Variants in PCCA observed in about 807,000 individuals in gnomAD.
The protein encoded by PCCA is propionyl-CoA carboxylase subunit alpha.
Under a neutral mutation model 101.3 loss-of-function variants are expected in PCCA, and 74 were observed. That is an observed-to-expected ratio of 0.73 (90% CI 0.61 to 0.89). PCCA has a LOEUF of 0.89. Ranked by LOEUF, PCCA falls within the 40% of genes least tolerant of loss-of-function variation. The pLI, the probability that PCCA is intolerant of heterozygous loss-of-function variation, is 0.00. For synonymous variants in PCCA, 294 were observed against 313.6 expected (o/e 0.94, Z 0.66); for missense variants, 891 against 907.0 (o/e 0.98, Z 0.23).
At chr13:100,477,969 C>A (rs118036082) in intron 21 of PCCA, among the ~76,000 whole-genome samples, 5,540 of 152,310 alleles carry the variant, frequency 0.036, 163 homozygotes, top group South Asian at 0.11. Context: ...CCCAGCCCTG[C>A]GCTGACGGCC....
intron 12 of PCCA, among the ~76,000 whole-genome samples, chr13:100,282,505 A>G (rs9557407): frequency 0.48 from 72,399 of 152,134 alleles, 17,309 homozygotes; most frequent in Middle Eastern, 0.54. Context: ...CTGGAGTTCC[A>G]GGTGGGCGTG....
At chr13:100,387,800 G>C (rs1029484402) in intron 19 of PCCA, among the ~76,000 whole-genome samples, 1 of 152,186 alleles carries the variant, frequency 6.6e-6, no homozygotes, top group Non-Finnish European at 1.5e-5. Context: ...AAAATTGCTT[G>C]TCTAATTGGG....
intron 22 of PCCA, among the ~76,000 whole-genome samples, chr13:100,525,022 T>TAGACAGAC (rs1385717688): frequency 7.1e-6 from 1 of 141,622 alleles, no homozygotes; most frequent in African/African-American, 2.7e-5. Context: ...GATAGATAGA[T>TAGACAGAC]AGATAGACAG....
At chr13:100,501,903 A>AT (rs55984837) in intron 21 of PCCA, among the ~76,000 whole-genome samples, 16 of 150,712 alleles carry the variant, frequency 1.1e-4, no homozygotes, top group East Asian at 3.9e-4. Flanking sequence ...AAATAAATAA[A>AT]ATGCACCCAA....
At chr13:100,362,038 T>G (rs993679449) in intron 18 of PCCA, among the ~76,000 whole-genome samples, 2 of 152,152 alleles carry the variant, frequency 1.3e-5, no homozygotes, top group Non-Finnish European at 2.9e-5. Context: ...TTTGGTGTGT[T>G]GGTACAGTAA....
intron 4 of PCCA, among the ~76,000 whole-genome samples, chr13:100,153,204 T>A (rs1326406723): frequency 6.6e-6 from 1 of 152,156 alleles, no homozygotes; most frequent in Non-Finnish European, 1.5e-5. Context: ...TCACATAACA[T>A]TGGGCTAGGG....
At chr13:100,417,120 G>T (rs1312072020) in intron 19 of PCCA, among the ~76,000 whole-genome samples, 1 of 151,866 alleles carries the variant, frequency 6.6e-6, no homozygotes. Context: ...TGGGATTACA[G>T]GCGTGAGCCA....
chr13:100,286,725 G>A (rs1399004018), intron 12 of PCCA, among the ~76,000 whole-genome samples: 2 of 151,166 alleles, frequency 1.3e-5, no homozygotes, highest in Admixed American at 6.6e-5. Flanking sequence ...ATAAGGTGGA[G>A]GATAGTTAAG....
intron 4 of PCCA, among the ~76,000 whole-genome samples, chr13:100,113,563 T>G (rs2048519751): frequency 6.6e-6 from 1 of 150,612 alleles, no homozygotes; most frequent in East Asian, 2.0e-4. Flanking sequence ...AATTTTGTCT[T>G]TACTCTTTGA....
intron 2 of PCCA, among the ~76,000 whole-genome samples, chr13:100,107,945 A>G (rs1454474449): frequency 6.6e-6 from 1 of 152,128 alleles, no homozygotes; most frequent in Non-Finnish European, 1.5e-5. Context: ...GCTGGGTGTA[A>G]ACTCATGCCT....
intron 4 of PCCA, among the ~76,000 whole-genome samples, chr13:100,119,570 A>C (rs924873141): frequency 6.6e-6 from 1 of 152,234 alleles, no homozygotes; most frequent in African/African-American, 2.4e-5. Flanking sequence ...CCTGTTGAAT[A>C]GGCTCATGGT....
At chr13:100,475,553 G>A (rs1006577368) in intron 21 of PCCA, among the ~76,000 whole-genome samples, 2 of 152,182 alleles carry the variant, frequency 1.3e-5, no homozygotes, top group Non-Finnish European at 2.9e-5. Context: ...CTGTCAGTTG[G>A]TGGGTGTTGG....
At chr13:100,211,467 T>A (rs2059208620) in intron 7 of PCCA, among the ~76,000 whole-genome samples, 1 of 152,238 alleles carries the variant, frequency 6.6e-6, no homozygotes, top group Non-Finnish European at 1.5e-5. Context: ...TATATCAATC[T>A]TTGAGCAACA....
intron 21 of PCCA, among the ~76,000 whole-genome samples, chr13:100,462,113 A>C (rs2082202363): frequency 2.0e-5 from 3 of 152,174 alleles, no homozygotes; most frequent in Admixed American, 2.0e-4. Context: ...TTGCCCCTAA[A>C]TATACAAAAT....
chr13:100,098,651 G>A (rs976258953), intron 1 of PCCA, among the ~76,000 whole-genome samples: 6 of 152,184 alleles, frequency 3.9e-5, no homozygotes, highest in African/African-American at 1.4e-4. Context: ...CTGCTACAGC[G>A]GGATGGGGAA....
rs545693080 is a variant in PCCA, at chr13:100,238,207, C to T, written c.637+2329C>T. On this transcript the variant is annotated intron_variant, in intron 8 of 23. Coordinates refer to ENST00000376285, the MANE Select transcript of PCCA (RefSeq NM_000282.4). ...TGCCCACCTCAGCCTCCCAAAGTGC[C>T]GGGATTACAGGCATAAGCCAGTGCA... Among the ~76,000 whole-genome samples the T allele has an allele frequency of 3.3e-5, 5 of 151,998 alleles. No homozygotes were observed. In the South Asian group the frequency reaches 6.2e-4, roughly 19 times the overall value.
intron 1 of PCCA, among the ~76,000 whole-genome samples, chr13:100,089,502 G>T (rs1343946938): frequency 6.6e-6 from 1 of 152,258 alleles, no homozygotes; most frequent in Non-Finnish European, 1.5e-5. Context: ...CGAGGCGGCT[G>T]ATGGCTTTGG....
chr13:100,185,654 T>C (rs923987491), intron 6 of PCCA, among the ~76,000 whole-genome samples: 47 of 151,726 alleles, frequency 3.1e-4, no homozygotes, highest in Middle Eastern at 3.4e-3. Context: ...TTTCTTTTTT[T>C]TTTTTTTTGT....
intron 4 of PCCA, among the ~76,000 whole-genome samples, chr13:100,147,941 T>G (rs2052780302): frequency 1.3e-5 from 2 of 152,088 alleles, no homozygotes; most frequent in Admixed American, 1.3e-4. Flanking sequence ...TTATTTCATT[T>G]ATTTAATTAT....
Sources: gnomAD v4.1 joint callset for allele counts (sites outside exome capture counted in the v4.1 genomes callset) on GRCh38, gnomAD v4.1.1 for gene constraint, MANE v1.5 for transcripts, NCBI Gene and HGNC (gene_info 2026-07-23, HGNC 2026-07-21) for gene names.